The following GALNTL6 variants were observed in gnomAD, a reference collection of about 807,000 sequenced individuals.
GALNTL6 encodes polypeptide N-acetylgalactosaminyltransferase like 6, also known as polypeptide N-acetylgalactosaminyltransferase-like 6.
GALNTL6 carries 46 observed loss-of-function variants against 73.7 expected under a neutral mutation model. That is an observed-to-expected ratio of 0.62 (90% confidence interval 0.49 to 0.80). The LOEUF (loss-of-function observed/expected upper bound fraction) is 0.80, where lower values mean the gene tolerates loss of function less well. Ranked by LOEUF, GALNTL6 falls within the 30% of genes least tolerant of loss-of-function variation. The pLI, the probability that GALNTL6 is intolerant of heterozygous loss-of-function variation, is 0.00. For synonymous variants in GALNTL6, 259 were observed against 263.7 expected (o/e 0.98, Z 0.17); for missense variants, 604 against 755.0 (o/e 0.80, Z 2.34).
chr4:172,531,543 C>G (rs1045113078), intron 5 of GALNTL6, among the ~76,000 whole-genome samples: 2 of 152,210 alleles, frequency 1.3e-5, no homozygotes, highest in African/African-American at 2.4e-5. Context: ...TCTCTTCCCA[C>G]AGTTCACCAC....
At chr4:172,452,713 C>A (rs1732256282) in intron 5 of GALNTL6, among the ~76,000 whole-genome samples, 1 of 152,168 alleles carries the variant, frequency 6.6e-6, no homozygotes. Flanking sequence ...AAAACTGATT[C>A]ATATCATGTA....
chr4:171,884,486 C>T (rs2110916542), intron 2 of GALNTL6, among the ~76,000 whole-genome samples: 1 of 151,780 alleles, frequency 6.6e-6, no homozygotes, highest in African/African-American at 2.4e-5. Flanking sequence ...CTTTGCAGTA[C>T]ATAAATAATG....
intron 2 of GALNTL6, among the ~76,000 whole-genome samples, chr4:172,094,834 A>G (rs1274737630): frequency 6.6e-6 from 1 of 151,940 alleles, no homozygotes; most frequent in Non-Finnish European, 1.5e-5. Context: ...GAATCTTCCA[A>G]CTTCCTGCTT....
chr4:171,913,630 C>A (rs546104778), intron 2 of GALNTL6, among the ~76,000 whole-genome samples: 1 of 152,190 alleles, frequency 6.6e-6, no homozygotes, highest in African/African-American at 2.4e-5. Flanking sequence ...CTGCACATTA[C>A]AGAAAAAGGA....
At chr4:171,843,087 G>T (rs1008493105) in intron 2 of GALNTL6, among the ~76,000 whole-genome samples, 2 of 151,952 alleles carry the variant, frequency 1.3e-5, no homozygotes, top group Admixed American at 1.3e-4. Context: ...AACAGAGGAG[G>T]GCTGGTGAGG....
intron 2 of GALNTL6, among the ~76,000 whole-genome samples, chr4:171,912,944 C>T (rs1462393605): frequency 1.3e-5 from 2 of 152,140 alleles, no homozygotes; most frequent in African/African-American, 2.4e-5. Flanking sequence ...TTTACCCGTT[C>T]ATCTATTGAT....
intron 8 of GALNTL6, among the ~76,000 whole-genome samples, chr4:172,900,293 A>C (rs1746555346): frequency 6.6e-6 from 1 of 152,046 alleles, no homozygotes; most frequent in South Asian, 2.1e-4. Flanking sequence ...AGTTTTAAAA[A>C]TCAAATAAAT....
At chr4:172,719,517 TTG>T (rs2111351549) in intron 5 of GALNTL6, among the ~76,000 whole-genome samples, 1 of 152,320 alleles carries the variant, frequency 6.6e-6, no homozygotes, top group Admixed American at 6.5e-5. Context: ...ACTTTCCTTA[TTG>T]CTACTAGAAC....
At chr4:172,022,843 T>A (rs751978343) in intron 2 of GALNTL6, among the ~76,000 whole-genome samples, 3 of 152,034 alleles carry the variant, frequency 2.0e-5, no homozygotes, top group Non-Finnish European at 4.4e-5. Context: ...TCAATTAGAT[T>A]TATTAGCAAT....
At chr4:172,412,190 C>T (rs987989921) in intron 5 of GALNTL6, among the ~76,000 whole-genome samples, 3 of 152,190 alleles carry the variant, frequency 2.0e-5, no homozygotes, top group Admixed American at 2.0e-4. Context: ...ACTACAGATT[C>T]ATGGCATCAC....
At chr4:171,868,021 CTG>C (rs1292266883) in intron 2 of GALNTL6, among the ~76,000 whole-genome samples, 1 of 141,758 alleles carries the variant, frequency 7.1e-6, no homozygotes, top group East Asian at 2.1e-4. Context: ...CAGTGTCACT[CTG>C]TTGCCCAGGC....
chr4:171,955,216 A>G (rs1739005733), intron 2 of GALNTL6, among the ~76,000 whole-genome samples: 1 of 152,184 alleles, frequency 6.6e-6, no homozygotes, highest in African/African-American at 2.4e-5. Context: ...AAACAAAAAT[A>G]AAGCATACAA....
intron 12 of GALNTL6, among the ~76,000 whole-genome samples, chr4:173,025,111 G>T (rs1342280514): frequency 6.6e-6 from 1 of 152,126 alleles, no homozygotes; most frequent in South Asian, 2.1e-4. Context: ...TCCGCTTTTA[G>T]TTATTTTTAG....
rs535289717 is a variant in GALNTL6 at position 172,632,818 on chromosome 4, G to C, written c.554-176543G>C. On this transcript the variant is annotated intron_variant, in intron 5 of 12. Transcript: ENST00000506823. The stretch of plus-strand genomic sequence containing the variant: ...CCATGGGCTGAGCCCAGGGACTCCT[G>C]CTCCATGCAGCCTTGGGGCATGGTG... Among the ~76,000 whole-genome samples, 11 of 152,272 alleles carry C rather than the reference G, an allele frequency of 7.2e-5. No individual in the cohort carries two copies. In the South Asian group the frequency reaches 2.3e-3, roughly 32 times the overall value.
intron 7 of GALNTL6, among the ~76,000 whole-genome samples, chr4:172,856,956 C>T (rs1744152447): frequency 6.6e-6 from 1 of 152,178 alleles, no homozygotes; most frequent in Non-Finnish European, 1.5e-5. Context: ...TGGGTTGCAG[C>T]ACATTTTAGT....
At chr4:171,827,992 A>G (rs955425853) in intron 2 of GALNTL6, among the ~76,000 whole-genome samples, 6 of 152,236 alleles carry the variant, frequency 3.9e-5, no homozygotes, top group Non-Finnish European at 8.8e-5. Flanking sequence ...TGTAGGTACT[A>G]GTCTATTTTA....
chr4:172,696,594 A>G (rs1225281088), intron 5 of GALNTL6, among the ~76,000 whole-genome samples: 3 of 152,142 alleles, frequency 2.0e-5, no homozygotes, highest in Non-Finnish European at 4.4e-5. Flanking sequence ...TAGTGAATAC[A>G]TCTTACAAGA....
chr4:172,961,428 C>T (rs1022539998), intron 10 of GALNTL6, among the ~76,000 whole-genome samples: 1 of 152,134 alleles, frequency 6.6e-6, no homozygotes, highest in African/African-American at 2.4e-5. Flanking sequence ...CTTGCCCCCC[C>T]AGAAAAGCGG....
chr4:172,253,844 TG>T lies in GALNTL6; in HGVS notation c.247+24081del, dbSNP rs1325486052. ...GCTTTCTTTAAATTGTTTGTTCATT[TG>T]TTTTAGAAGCTAGCAGAGATAATTC... On this transcript the variant is annotated intron_variant, in intron 3 of 12. Coordinates refer to ENST00000506823, the MANE Select transcript of GALNTL6 (RefSeq NM_001034845.3). Among the ~76,000 whole-genome samples, 4 of 151,984 alleles carry T rather than the reference TG, an allele frequency of 2.6e-5. No individual in the cohort carries two copies. The East Asian group carries it at 7.7e-4, about 29-fold the overall frequency.
Sources: gnomAD v4.1 joint callset for allele counts (sites outside exome capture counted in the v4.1 genomes callset) on GRCh38, gnomAD v4.1.1 for gene constraint, MANE v1.5 for transcripts, NCBI Gene and HGNC (gene_info 2026-07-23, HGNC 2026-07-21) for gene names.